The following DIS3L2 variants were observed in gnomAD, a reference collection of about 807,000 sequenced individuals.
DIS3L2 encodes the protein DIS3 like 3'-5' exoribonuclease 2, also known as DIS3-like exonuclease 2.
A neutral mutation model predicts 97.5 loss-of-function variants in DIS3L2; 34 were observed. The ratio of observed to expected loss-of-function variants is 0.35; its 90% CI spans 0.27 to 0.46. The LOEUF is 0.46. Among genes scored for constraint, DIS3L2 ranks in the 20% least tolerant of loss-of-function variants. The pLI is 1.00. For missense variants in DIS3L2, 1,038 were observed against 1,146.0 expected, an observed-to-expected ratio of 0.91 and a Z score of 1.36; for synonymous variants, 435 against 445.2, an observed-to-expected ratio of 0.98 and a Z score of 0.29.
intron 1 of DIS3L2, among the ~76,000 whole-genome samples, chr2:231,966,278 C>T: frequency 6.6e-6 from 1 of 151,590 alleles, no homozygotes; most frequent in Non-Finnish European, 1.5e-5. Flanking sequence ...AAGTGATTCT[C>T]CAGCCTCAGC....
intron 8 of DIS3L2, among the ~76,000 whole-genome samples, chr2:232,137,588 G>T (rs188297376): frequency 2.0e-5 from 3 of 152,194 alleles, no homozygotes; most frequent in African/African-American, 7.2e-5. Context: ...GGGTAGGAGA[G>T]TCAGCACTGA....
intron 5 of DIS3L2, among the ~76,000 whole-genome samples, chr2:232,047,685 C>T (rs1473313549): frequency 6.6e-6 from 1 of 152,172 alleles, no homozygotes; most frequent in African/African-American, 2.4e-5. Flanking sequence ...TATTCACCCC[C>T]AAAAGAATCC....
intron 13 of DIS3L2, among the ~76,000 whole-genome samples, chr2:232,295,491 C>G (rs941754904): frequency 2.0e-5 from 3 of 152,202 alleles, no homozygotes; most frequent in Non-Finnish European, 4.4e-5. Context: ...GACCTTGAAT[C>G]TGCAGTTCTC....
At chr2:232,215,279 C>T (rs1344151848) in intron 10 of DIS3L2, among the ~76,000 whole-genome samples, 1 of 152,196 alleles carries the variant, frequency 6.6e-6, no homozygotes, top group Non-Finnish European at 1.5e-5. Context: ...CATGAAACTA[C>T]AGCCCCGGGT....
chr2:232,290,505 C>T (rs569615535), intron 13 of DIS3L2, among the ~76,000 whole-genome samples: 23 of 152,260 alleles, frequency 1.5e-4, no homozygotes, highest in Non-Finnish European at 2.5e-4. Flanking sequence ...GAAGAGGAGG[C>T]GGCTTGACCT....
chr2:232,120,864 C>T lies in DIS3L2; in HGVS notation c.602-9755C>T, dbSNP rs78930974. 3.8e-4 allele frequency among the ~76,000 whole-genome samples: 58 copies of T among 152,186 alleles called. No individual in the cohort carries two copies. The East Asian group carries it at 9.7e-3, about 25-fold the overall frequency. ...TCTCTGTCCTTCTGCTGGAGTTAAC[C>T]CTTCCCCTGGGTTCTGGATCACATC... On this transcript the variant is annotated intron_variant, in intron 6 of 20. Coordinates refer to ENST00000325385, the MANE Select transcript of DIS3L2 (RefSeq NM_152383.5).
At chr2:232,004,613 C>T (rs1694001039) in intron 1 of DIS3L2, among the ~76,000 whole-genome samples, 2 of 149,784 alleles carry the variant, frequency 1.3e-5, no homozygotes, top group Admixed American at 1.3e-4. Context: ...CTGGGTGTCA[C>T]TCTGTTGCCC....
intron 10 of DIS3L2, among the ~76,000 whole-genome samples, chr2:232,223,878 A>C (rs182281818): frequency 2.6e-5 from 4 of 152,220 alleles, no homozygotes; most frequent in Non-Finnish European, 5.9e-5. Flanking sequence ...GCTTGAGTCC[A>C]GGAATTTGAG....
At chr2:231,988,957 T>C (rs1252762862) in intron 1 of DIS3L2, among the ~76,000 whole-genome samples, 1 of 152,224 alleles carries the variant, frequency 6.6e-6, no homozygotes, top group Non-Finnish European at 1.5e-5. Flanking sequence ...TTTTGTTCAG[T>C]TGATTATAGG....
intron 5 of DIS3L2, among the ~76,000 whole-genome samples, chr2:232,050,536 A>G (rs1179243548): frequency 1.3e-5 from 2 of 151,932 alleles, no homozygotes; most frequent in South Asian, 2.1e-4. Context: ...TCGGCCTCCC[A>G]AAGTGTTGGG....
intron 6 of DIS3L2, among the ~76,000 whole-genome samples, chr2:232,094,943 T>C (rs1696960229): frequency 6.6e-6 from 1 of 152,182 alleles, no homozygotes; most frequent in African/African-American, 2.4e-5. Context: ...TGCCTTGAAA[T>C]CTATTTTATC....
Position 231,969,207 on chromosome 2 carries a change from T to C in DIS3L2, c.-94+7442T>C, listed in dbSNP as rs538476347. Reference sequence around the variant, plus strand: ...ATTAAAATTATATTTTTAAAATTTATATTTCTGATTGACACTAGTATATAG... The same window carrying C: ...ATTAAAATTATATTTTTAAAATTTACATTTCTGATTGACACTAGTATATAG... On this transcript the variant is annotated intron_variant, in intron 1 of 20. Coordinates refer to ENST00000325385, the MANE Select transcript of DIS3L2 (RefSeq NM_152383.5). Among the ~76,000 whole-genome samples the C allele has an allele frequency of 2.6e-5, 4 of 152,222 alleles. No individual in the cohort carries two copies. The East Asian group carries it at 7.7e-4, about 29-fold the overall frequency.
chr2:232,000,613 T>TTTCCTTTCCTTTCCTTTCCTTTCC (rs1693853867), intron 1 of DIS3L2, among the ~76,000 whole-genome samples: 4 of 107,348 alleles, frequency 3.7e-5, no homozygotes, highest in East Asian at 5.3e-4. Context: ...CTTTCCTTTC[T>TTTCCTTTCCTTTCCTTTCCTTTCC]TTTCCTTTCC....
Position 231,986,685 on chromosome 2 carries a change from A to T in DIS3L2, c.-94+24920A>T, listed in dbSNP as rs562243266. 7.2e-5 allele frequency among the ~76,000 whole-genome samples: 11 copies of T among 152,316 alleles called. No individual in the cohort carries two copies. In the East Asian group the frequency reaches 1.5e-3, roughly 21 times the overall value. ...TTATTATTATCGCCTCTTTTAGATG[A>T]TGAGAGGGACAGAAAGATGAAATAA... On this transcript the variant is annotated intron_variant, in intron 1 of 20. Coordinates refer to ENST00000325385, the MANE Select transcript of DIS3L2 (RefSeq NM_152383.5).
At chr2:232,263,470 C>T (rs1300978201) in intron 13 of DIS3L2, 30 bp downstream of exon 13, 3 of 1,610,126 alleles carry the variant, frequency 1.9e-6, no homozygotes, top group Non-Finnish European at 2.5e-6. Flanking sequence ...GTGTAGCCAA[C>T]AGATTTGACT....
chr2:232,023,042 T>A (rs1269254567), intron 3 of DIS3L2: 4 of 152,182 alleles, frequency 2.6e-5, no homozygotes, highest in Non-Finnish European at 1.5e-5. Context: ...ATACTTCTCA[T>A]CTGATTTATT....
intron 13 of DIS3L2, among the ~76,000 whole-genome samples, chr2:232,287,229 A>AT (rs894819944): frequency 2.0e-5 from 3 of 152,118 alleles, no homozygotes; most frequent in Non-Finnish European, 2.9e-5. Flanking sequence ...TGTGAAACTT[A>AT]TTTTTTTAAC....
At chr2:232,031,959 CAT>C (rs1402282351) in intron 5 of DIS3L2, among the ~76,000 whole-genome samples, 44 of 152,176 alleles carry the variant, frequency 2.9e-4, no homozygotes, top group African/African-American at 9.9e-4. Context: ...CTACAATAAA[CAT>C]ATGTGTGCAT....
At chr2:232,205,282 G>A (rs1574944635) in intron 9 of DIS3L2, among the ~76,000 whole-genome samples, 1 of 150,472 alleles carries the variant, frequency 6.6e-6, no homozygotes, top group African/African-American at 2.4e-5. Flanking sequence ...TTGAGACAGG[G>A]TCTTGCTCTA....
Sources: gnomAD v4.1 joint callset for allele counts (sites outside exome capture counted in the v4.1 genomes callset) on GRCh38, gnomAD v4.1.1 for gene constraint, MANE v1.5 for transcripts, NCBI Gene and HGNC (gene_info 2026-07-23, HGNC 2026-07-21) for gene names.